KLHL6: variants seen among roughly 807,000 people sequenced by gnomAD.
The protein encoded by KLHL6 is kelch-like protein 6.
KLHL6 carries 41 observed loss-of-function variants against 58.6 expected under a neutral mutation model. The observed-to-expected ratio is 0.70, with a 90% CI of 0.55 to 0.91. The LOEUF (loss-of-function observed/expected upper bound fraction) is 0.91, where lower values mean the gene tolerates loss of function less well. KLHL6 is among the 40% of genes least tolerant of loss of function. The probability of loss-of-function intolerance (pLI) is 0.00; values close to 1 mark genes in which losing one functional copy is unlikely to be tolerated. For missense variants in KLHL6, 714 were observed against 805.6 expected (o/e 0.89, Z 1.38); for synonymous variants, 338 against 322.7 (o/e 1.05, Z -0.51).
intron 1 of KLHL6, among the ~76,000 whole-genome samples, chr3:183,530,793 C>T (rs577396241): frequency 1.3e-5 from 2 of 150,104 alleles, no homozygotes; most frequent in Admixed American, 6.6e-5. Flanking sequence ...TTGGATTTGA[C>T]GGTAAAAAAC....
intron 1 of KLHL6, among the ~76,000 whole-genome samples, chr3:183,554,905 C>T (rs544796534): frequency 6.6e-6 from 1 of 152,304 alleles, no homozygotes; most frequent in Non-Finnish European, 1.5e-5. Flanking sequence ...CGTCTCACAC[C>T]TGTAATGCCA....
intron 1 of KLHL6, chr3:183,551,995 T>C (rs895311858): frequency 1.3e-5 from 2 of 152,174 alleles, no homozygotes; most frequent in Admixed American, 1.3e-4. Flanking sequence ...TTGATCTTAC[T>C]AAAAATAAGA....
At chr3:183,493,744 C>A in intron 5 of KLHL6, 1 of 325,386 alleles carries the variant, frequency 3.1e-6, no homozygotes, top group South Asian at 3.8e-5. Context: ...GAGAAGGCAT[C>A]TGAGGAGACA....
intron 3 of KLHL6, 133 bp downstream of exon 3, chr3:183,507,926 A>G (rs2108674119): frequency 1.4e-6 from 1 of 736,152 alleles, no homozygotes; most frequent in Middle Eastern, 3.2e-4. Flanking sequence ...TGACCGACTC[A>G]GCAATGAACA....
chr3:183,543,194 G>A (rs1438312466), intron 1 of KLHL6, among the ~76,000 whole-genome samples: 2 of 152,058 alleles, frequency 1.3e-5, no homozygotes, highest in African/African-American at 4.8e-5. Flanking sequence ...GGCTGAGGCA[G>A]GAGAATAGCT....
In KLHL6 at chr3:183,520,768, G is replaced by A. The variant is rs569361667; in HGVS notation, c.459+7077C>T. The A allele has an allele frequency of 1.1e-4, 16 of 152,198 alleles. No individual in the cohort carries two copies. In the South Asian group the frequency reaches 3.1e-3, roughly 30 times the overall value. The allele number at this position is 152,198 out of a possible 1,614,324, so 9.4% of individuals were successfully genotyped here. A position where few individuals can be genotyped will look rare whatever the true frequency, so the allele number is the denominator to read the frequency against. ...CATGTCTCACCTCCAGCCATAAGGC[G>A]GTTTTCTCCTATCTCAGTAAATAGA... On this transcript the variant is annotated intron_variant, in intron 2 of 6. Transcript: ENST00000341319.
chr3:183,510,874 A>AAAATAAATAAATAAATAAATAAATAAAT (rs55944280), intron 2 of KLHL6, among the ~76,000 whole-genome samples: 59 of 148,268 alleles, frequency 4.0e-4, no homozygotes, highest in Admixed American at 8.7e-4. Context: ...ACTCCATCTC[A>AAAATAAATAAATAAATAAATAAATAAAT]AAATAAATAA....
chr3:183,555,253 T>C (rs1196059421), intron 1 of KLHL6, 108 bp downstream of exon 1: 2 of 834,298 alleles, frequency 2.4e-6, no homozygotes, highest in African/African-American at 3.4e-5. Flanking sequence ...TTAATATATA[T>C]GTAAACCATA....
chr3:183,519,895 C>CAAAAA (rs56101517), intron 2 of KLHL6, among the ~76,000 whole-genome samples: 14 of 83,222 alleles, frequency 1.7e-4, no homozygotes, highest in African/African-American at 3.2e-4. Context: ...AACCCTGTCT[C>CAAAAA]AAAAAAAAAA....
chr3:183,497,322 G>T (rs1032335752), intron 4 of KLHL6, among the ~76,000 whole-genome samples: 2 of 152,242 alleles, frequency 1.3e-5, no homozygotes, highest in African/African-American at 4.8e-5. Flanking sequence ...TGAGGCAGGA[G>T]AATTGCTTGA....
chr3:183,548,508 G>C (rs554994505), intron 1 of KLHL6, among the ~76,000 whole-genome samples: 14 of 152,256 alleles, frequency 9.2e-5, no homozygotes, highest in Admixed American at 2.6e-4. Flanking sequence ...TTGTACCGCA[G>C]TCTCTAGGTC....
intron 1 of KLHL6, among the ~76,000 whole-genome samples, chr3:183,552,659 A>C (rs1005591865): frequency 7.0e-6 from 1 of 141,884 alleles, no homozygotes; most frequent in African/African-American, 2.6e-5. Context: ...CGGAGTTTGC[A>C]GTGAGCAGAG....
chr3:183,516,781 C>T (rs537366075), intron 2 of KLHL6, among the ~76,000 whole-genome samples: 1 of 152,320 alleles, frequency 6.6e-6, no homozygotes, highest in South Asian at 2.1e-4. Flanking sequence ...GTGGCTTTGG[C>T]GTTATTGCAA....
At chr3:183,534,184 T>C (rs1411957275) in intron 1 of KLHL6, among the ~76,000 whole-genome samples, 1 of 113,442 alleles carries the variant, frequency 8.8e-6, no homozygotes, top group East Asian at 3.4e-4. Flanking sequence ...TTAAAAGTAA[T>C]GTCATATAGG....
chr3:183,536,353 G>A (rs1322729819), intron 1 of KLHL6, among the ~76,000 whole-genome samples: 2 of 152,228 alleles, frequency 1.3e-5, no homozygotes, highest in African/African-American at 2.4e-5. Context: ...ACTGTCTTTG[G>A]TTACAGGCCA....
At chr3:183,530,803 CAAT>C (rs1431343107) in intron 1 of KLHL6, among the ~76,000 whole-genome samples, 1 of 149,808 alleles carries the variant, frequency 6.7e-6, no homozygotes, top group Non-Finnish European at 1.5e-5. Flanking sequence ...CGGTAAAAAA[CAAT>C]GAGGTACTCA....
At chr3:183,533,333 C>T (rs1712220738) in intron 1 of KLHL6, among the ~76,000 whole-genome samples, 2 of 148,356 alleles carry the variant, frequency 1.3e-5, no homozygotes, top group South Asian at 4.2e-4. Context: ...TTTGTTTCTT[C>T]CTTTCTTCCT....
Position 183,543,286 on chromosome 3 carries a change from C to CAA in KLHL6, c.293+12073_293+12074dup, listed in dbSNP as rs148496860. Among the ~76,000 whole-genome samples, 42 of 125,756 alleles carry CAA rather than the reference C, an allele frequency of 3.3e-4. No individual in the cohort carries two copies. In the South Asian group the frequency reaches 3.6e-3, roughly 11 times the overall value. The allele number at this position is 125,756 out of a possible 152,430, so 82.5% of individuals were successfully genotyped here. A position where few individuals can be genotyped will look rare whatever the true frequency, so the allele number is the denominator to read the frequency against. On this transcript the variant is annotated intron_variant, in intron 1 of 6. Coordinates refer to ENST00000341319, the MANE Select transcript of KLHL6 (RefSeq NM_130446.4). Reference sequence around the variant, plus strand: ...TGGGCGACAGAGCGAAACTCCATTTCAAAAAAAAAAAAAAGAGAGAGAGAG... The same window carrying CAA: ...TGGGCGACAGAGCGAAACTCCATTTCAAAAAAAAAAAAAAAAGAGAGAGAGAG...
chr3:183,526,173 T>G (rs1711961274), intron 2 of KLHL6, among the ~76,000 whole-genome samples: 1 of 151,958 alleles, frequency 6.6e-6, no homozygotes, highest in Admixed American at 6.5e-5. Context: ...TAGCCGGGCG[T>G]GGTGGCACAT....
Sources: allele counts gnomAD v4.1 joint callset (sites outside exome capture counted in the v4.1 genomes callset), GRCh38; gene constraint gnomAD v4.1.1; transcripts MANE v1.5; gene names NCBI Gene and HGNC (gene_info 2026-07-23, HGNC 2026-07-21).